FLRT1: variants seen among roughly 807,000 people sequenced by gnomAD.
FLRT1 encodes the protein leucine-rich repeat transmembrane protein FLRT1.
FLRT1 carries 14 observed loss-of-function variants against 30.9 expected under a neutral mutation model. That is an observed-to-expected ratio of 0.45 (90% CI 0.30 to 0.71). FLRT1 has a LOEUF of 0.71. FLRT1 is among the 30% of genes least tolerant of loss of function. The pLI is 0.08. For synonymous variants in FLRT1, 368 were observed against 430.4 expected (o/e 0.85, Z 1.80); for missense variants, 737 against 949.2 (o/e 0.78, Z 2.94).
rs1423042012 is a variant in FLRT1 at position 64,118,293 on chromosome 11, T to C, written c.*1T>C. 6.4e-7 allele frequency: 1 copy of C among 1,552,402 alleles called. No homozygotes were observed. Among genetic ancestry groups the C allele is most frequent in the Admixed American group, 1.8e-5 (1 of 55,290 alleles). Reference sequence around the variant, plus strand: ...CGACATAGACTACTCCTACACATGATGCCCGCCCACCCGGGCTGCCCCGCC... The same window carrying C: ...CGACATAGACTACTCCTACACATGACGCCCGCCCACCCGGGCTGCCCCGCC... On this transcript the variant is annotated 3_prime_UTR_variant, in exon 3 of 3. Coordinates refer to ENST00000682287, the MANE Select transcript of FLRT1 (RefSeq NM_013280.5).
At chr11:64,059,500 C>T (rs1356878471) in intron 1 of FLRT1, among the ~76,000 whole-genome samples, 1 of 152,198 alleles carries the variant, frequency 6.6e-6, no homozygotes, top group Admixed American at 6.5e-5. Context: ...CACAGGCTGA[C>T]CCTGGGTACC....
chr11:64,083,662 C>T (rs1241355877), intron 1 of FLRT1, among the ~76,000 whole-genome samples: 2 of 152,216 alleles, frequency 1.3e-5, no homozygotes, highest in Non-Finnish European at 2.9e-5. Flanking sequence ...ATGCCAACGC[C>T]GGGTCAGAGC....
intron 1 of FLRT1, among the ~76,000 whole-genome samples, chr11:64,042,675 G>T (rs1943511002): frequency 6.6e-6 from 1 of 152,168 alleles, no homozygotes; most frequent in Non-Finnish European, 1.5e-5. Flanking sequence ...GTCCCAGGGA[G>T]ATAGACAACA....
At chr11:64,103,011 C>T (rs1162692332) in intron 1 of FLRT1, among the ~76,000 whole-genome samples, 183 bp from the exon 2 acceptor site, 1 of 151,462 alleles carries the variant, frequency 6.6e-6, no homozygotes, top group Non-Finnish European at 1.5e-5. Context: ...GCAGAGGTCG[C>T]AGTGAGCCGA....
In FLRT1 at chr11:64,096,716, C is replaced by T. The variant is rs1455870744; in HGVS notation, c.-1037-6478C>T. On this transcript the variant is annotated intron_variant, in intron 1 of 2. Coordinates refer to ENST00000682287, the MANE Select transcript of FLRT1 (RefSeq NM_013280.5). The surrounding 1 kb of genome is among the most constrained non-coding windows in gnomAD (Gnocchi z 4.6). ...ACAGGCATGAGCCACCGCACCCTAC[C>T]CTCTCCCCCTTTTGTGCCTAGAGTT... is the stretch of plus-strand genomic sequence containing the variant. Among the ~76,000 whole-genome samples, 1 of 152,198 alleles carries T rather than the reference C, an allele frequency of 6.6e-6. No homozygotes were observed. Among genetic ancestry groups the T allele is most frequent in the Non-Finnish European group, 1.5e-5 (1 of 68,028 alleles).
At chr11:64,050,071 C>T (rs771736064) in intron 1 of FLRT1, among the ~76,000 whole-genome samples, 14 of 152,152 alleles carry the variant, frequency 9.2e-5, no homozygotes, top group Non-Finnish European at 1.6e-4. Context: ...CCTACTCTTC[C>T]CTCGAGATCT....
Position 64,117,104 on chromosome 11 carries a change from C to T in FLRT1, c.837C>T (p.Asp279=). 1 of 1,606,758 alleles carries T rather than the reference C, an allele frequency of 6.2e-7. No individual in the cohort carries two copies. Among genetic ancestry groups the T allele is most frequent in the Non-Finnish European group, 8.5e-7 (1 of 1,176,720 alleles). Reference sequence around the variant, plus strand: ...ACCTGCAGAAGCTCTACCTGCAGGACAATGCCATCAGCCACATCCCCTACA... The same window carrying T: ...ACCTGCAGAAGCTCTACCTGCAGGATAATGCCATCAGCCACATCCCCTACA... ...SAHLQKLYLQ[D]NAISHIPYNT... The change falls in exon 3 of 3, where the codon GAC becomes GAT. Residue 279 remains aspartate, a synonymous_variant. Coordinates refer to ENST00000682287, the MANE Select transcript of FLRT1 (RefSeq NM_013280.5).
intron 1 of FLRT1, among the ~76,000 whole-genome samples, chr11:64,068,975 G>A (rs893775849): frequency 2.6e-5 from 4 of 152,238 alleles, no homozygotes; most frequent in African/African-American, 9.6e-5. Context: ...ACATTATCTA[G>A]AGCTGCCTAT....
At chr11:64,071,980 G>C (rs1944116030) in intron 1 of FLRT1, among the ~76,000 whole-genome samples, 1 of 152,236 alleles carries the variant, frequency 6.6e-6, no homozygotes, top group Admixed American at 6.5e-5. Flanking sequence ...AGGGGAACGG[G>C]CTGGCTCCTG....
At chr11:64,113,937 C>CGGAT (rs562555774) in intron 2 of FLRT1, among the ~76,000 whole-genome samples, 686 of 66,594 alleles carry the variant, frequency 0.01, 4 homozygotes, top group East Asian at 0.05. Flanking sequence ...GATTGATGCA[C>CGGAT]GGATGGATGG....
At chr11:64,055,267 C>T (rs748733271) in intron 1 of FLRT1, among the ~76,000 whole-genome samples, 5 of 152,210 alleles carry the variant, frequency 3.3e-5, no homozygotes, top group Non-Finnish European at 7.3e-5. Context: ...TTGCCTTGAG[C>T]GGGACACCAT....
At chr11:64,102,294 G>A (rs1237183631) in intron 1 of FLRT1, among the ~76,000 whole-genome samples, 1 of 152,160 alleles carries the variant, frequency 6.6e-6, no homozygotes, top group Non-Finnish European at 1.5e-5. Context: ...TTTTGTTTTG[G>A]ATTCCAGAAC....
chr11:64,037,019 G>A (rs1195698679), intron 1 of FLRT1, among the ~76,000 whole-genome samples: 1 of 152,230 alleles, frequency 6.6e-6, no homozygotes, highest in Admixed American at 6.5e-5. Context: ...CGGTGGCCCC[G>A]GGAGGTCTTC....
chr11:64,109,829 C>G (rs984659475), intron 2 of FLRT1, among the ~76,000 whole-genome samples: 1 of 152,076 alleles, frequency 6.6e-6, no homozygotes, highest in African/African-American at 2.4e-5. Context: ...GGGGCAACAC[C>G]TCAGCTTCAC....
chr11:64,117,609 G>A lies in FLRT1; in HGVS notation c.1342G>A (p.Ala448Thr). 6.2e-7 allele frequency: 1 copy of A among 1,613,724 alleles called. No individual in the cohort carries two copies. The highest frequency in any genetic ancestry group is 8.5e-7 in the Non-Finnish European group (1 of 1,179,998). Residue 448 changes from alanine to threonine, a missense_variant, in exon 3 of 3, where the codon GCA becomes ACA. Coordinates refer to ENST00000682287, the MANE Select transcript of FLRT1 (RefSeq NM_013280.5). The stretch of plus-strand genomic sequence containing the variant: ...GGCCATCCACGTGAAGGCCCTGACG[G>A]CAGACTCCATCCGCATCACGTGGAA... ...TLAIHVKALT[A>T]DSIRITWKAT...
intron 1 of FLRT1, among the ~76,000 whole-genome samples, chr11:64,077,905 A>C (rs1944233227): frequency 6.6e-6 from 1 of 152,222 alleles, no homozygotes; most frequent in African/African-American, 2.4e-5. Flanking sequence ...TTAGGCCCTT[A>C]GACCCTCTGG....
intron 1 of FLRT1, among the ~76,000 whole-genome samples, chr11:64,050,060 GC>G (rs1943663411): frequency 6.6e-6 from 1 of 152,120 alleles, no homozygotes; most frequent in Non-Finnish European, 1.5e-5. Context: ...GAGGGTGATG[GC>G]CTACTCTTCC....
intron 1 of FLRT1, among the ~76,000 whole-genome samples, chr11:64,097,325 A>G (rs2134545164): frequency 6.6e-6 from 1 of 152,324 alleles, no homozygotes. Context: ...GGATGGGTGA[A>G]CTCCCAGGCC....
At chr11:64,062,860 G>A (rs781202894) in intron 1 of FLRT1, among the ~76,000 whole-genome samples, 11 of 152,124 alleles carry the variant, frequency 7.2e-5, no homozygotes, top group Non-Finnish European at 1.6e-4. Flanking sequence ...CCTCCACCCC[G>A]GCCCCGCCTC....
Sources: allele counts gnomAD v4.1 joint callset (sites outside exome capture counted in the v4.1 genomes callset), GRCh38; gene constraint gnomAD v4.1.1; non-coding constraint Gnocchi (gnomAD v3.1); transcripts MANE v1.5; gene names NCBI Gene and HGNC (gene_info 2026-07-23, HGNC 2026-07-21).